The following PBX1 variants were observed in gnomAD, a reference collection of about 807,000 sequenced individuals.
PBX1 encodes the protein pre-B-cell leukemia transcription factor 1.
PBX1 carries 6 observed loss-of-function variants against 53.4 expected under a neutral mutation model. That is an observed-to-expected ratio of 0.11 (90% CI 0.06 to 0.22). PBX1 has a LOEUF of 0.22. Among genes scored for constraint, PBX1 ranks in the 10% least tolerant of loss-of-function variants. The probability of loss-of-function intolerance (pLI) is 1.00; values close to 1 mark genes in which losing one functional copy is unlikely to be tolerated. For missense variants in PBX1, 251 were observed against 551.4 expected, an observed-to-expected ratio of 0.46 and a Z score of 5.46; for synonymous variants, 204 against 212.3, an observed-to-expected ratio of 0.96 and a Z score of 0.34.
chr1:164,819,844 T>C, intron 6 of PBX1: 1 of 428,104 alleles, frequency 2.3e-6, no homozygotes, highest in Non-Finnish European at 4.1e-6. Flanking sequence ...GAAGCAGTTC[T>C]ATTGACAACT....
intron 2 of PBX1, among the ~76,000 whole-genome samples, chr1:164,727,600 T>C (rs886583981): frequency 6.6e-6 from 1 of 152,140 alleles, no homozygotes; most frequent in African/African-American, 2.4e-5. Context: ...GGGTCTTGAG[T>C]TGATTTGGGG....
intron 2 of PBX1, among the ~76,000 whole-genome samples, chr1:164,669,781 A>G (rs777092520): frequency 6.6e-6 from 1 of 152,056 alleles, no homozygotes; most frequent in Non-Finnish European, 1.5e-5. Context: ...GTGTATATCC[A>G]TGTTGGGCAT....
At chr1:164,827,965 G>A (rs147673344) in intron 8 of PBX1, among the ~76,000 whole-genome samples, 1 of 152,218 alleles carries the variant, frequency 6.6e-6, no homozygotes, top group Non-Finnish European at 1.5e-5. Context: ...ACTTTGTCTG[G>A]GATTGAATTT....
intron 2 of PBX1, among the ~76,000 whole-genome samples, chr1:164,572,651 T>C (rs1328633017): frequency 6.6e-6 from 1 of 152,146 alleles, no homozygotes; most frequent in African/African-American, 2.4e-5. Flanking sequence ...ATTAGTGAGC[T>C]ATTGGATTTA....
chr1:164,574,599 A>T (rs1243683660), intron 2 of PBX1, among the ~76,000 whole-genome samples: 1 of 152,182 alleles, frequency 6.6e-6, no homozygotes, highest in Admixed American at 6.5e-5. Context: ...GGTCATGTAA[A>T]ACTGGTTATG....
At chr1:164,728,014 G>T (rs1396231722) in intron 2 of PBX1, among the ~76,000 whole-genome samples, 1 of 152,164 alleles carries the variant, frequency 6.6e-6, no homozygotes, top group African/African-American at 2.4e-5. Context: ...TCTTCATTTG[G>T]TATGGTTATA....
intron 2 of PBX1, among the ~76,000 whole-genome samples, chr1:164,864,299 CA>C (rs1248234598): frequency 6.6e-6 from 1 of 152,106 alleles, no homozygotes; most frequent in African/African-American, 2.4e-5. Flanking sequence ...CAGTGCCATT[CA>C]GTGTAAATCT....
chr1:164,715,792 C>T (rs1025005420), intron 2 of PBX1, among the ~76,000 whole-genome samples: 29 of 152,282 alleles, frequency 1.9e-4, no homozygotes, highest in African/African-American at 7.0e-4. Flanking sequence ...CCGGGATAAA[C>T]TCTTCCTCTC....
intron 2 of PBX1, among the ~76,000 whole-genome samples, chr1:164,603,936 T>TTTTTA (rs1656372884): frequency 1.2e-4 from 6 of 51,772 alleles, no homozygotes; most frequent in Admixed American, 9.3e-4. Flanking sequence ...TTCATTTTTT[T>TTTTTA]TTTTTTTTTT....
chr1:164,746,197 G>A (rs1406993319), intron 2 of PBX1, among the ~76,000 whole-genome samples: 1 of 152,090 alleles, frequency 6.6e-6, no homozygotes, highest in Non-Finnish European at 1.5e-5. Context: ...TGGCATCTTG[G>A]TCATGCAAGA....
At chr1:164,654,778 G>A (rs901995218) in intron 2 of PBX1, among the ~76,000 whole-genome samples, 1 of 152,216 alleles carries the variant, frequency 6.6e-6, no homozygotes. Context: ...TCAGTCAATG[G>A]AAGAACCAAG....
intron 2 of PBX1, among the ~76,000 whole-genome samples, chr1:164,629,345 C>T (rs1658259865): frequency 6.6e-6 from 1 of 152,094 alleles, no homozygotes; most frequent in Non-Finnish European, 1.5e-5. Context: ...TCATCCTCTG[C>T]ATGTCAATGT....
At chr1:164,620,731 G>A (rs1657613394) in intron 2 of PBX1, among the ~76,000 whole-genome samples, 1 of 151,804 alleles carries the variant, frequency 6.6e-6, no homozygotes, top group Admixed American at 6.6e-5. Flanking sequence ...CACCCAGGCT[G>A]GAGTGCAGTG....
chr1:164,851,213 A>G lies in PBX1; in HGVS notation c.*4537A>G, dbSNP rs1304438374. 1 of 212,720 alleles carries G rather than the reference A, an allele frequency of 4.7e-6. No individual in the cohort carries two copies. Among genetic ancestry groups the G allele is most frequent in the Non-Finnish European group, 9.5e-6 (1 of 105,044 alleles). The allele number at this position is 212,720 out of a possible 1,614,324, so 13.2% of individuals were successfully genotyped here. The stretch of plus-strand genomic sequence containing the variant: ...TTTGGAATGTTTTTATTAGAGGAAA[A>G]AAGAAAGCCATATTATCTGGAAAAA... On this transcript the variant is annotated 3_prime_UTR_variant, in exon 9 of 9. Transcript: ENST00000420696.
chr1:164,820,265 T>C, intron 7 of PBX1, 81 bp downstream of exon 7: 2 of 810,754 alleles, frequency 2.5e-6, no homozygotes, highest in Non-Finnish European at 4.2e-6. Flanking sequence ...CCTGCTTCTG[T>C]CCAGAGAGAG....
intron 2 of PBX1, among the ~76,000 whole-genome samples, chr1:164,622,187 G>T (rs538106238): frequency 6.6e-6 from 1 of 152,318 alleles, no homozygotes; most frequent in African/African-American, 2.4e-5. Flanking sequence ...AAGGCGTCTT[G>T]TTGGAAGGAG....
chr1:164,820,943 G>A (rs998082573), intron 7 of PBX1, among the ~76,000 whole-genome samples: 1 of 152,102 alleles, frequency 6.6e-6, no homozygotes, highest in African/African-American at 2.4e-5. Context: ...TTACAAGCCC[G>A]GAACAGACCA....
At chr1:164,871,044 G>A (rs1299130845) in intron 2 of PBX1, among the ~76,000 whole-genome samples, 3 of 152,014 alleles carry the variant, frequency 2.0e-5, no homozygotes, top group Admixed American at 2.0e-4. Context: ...GAGCCCCTAT[G>A]GCATACCCTG....
intron 2 of PBX1, chr1:164,682,142 A>G (rs745507476): frequency 5.9e-5 from 9 of 152,260 alleles, no homozygotes; most frequent in Non-Finnish European, 1.3e-4. Flanking sequence ...TTATTAAAAC[A>G]GATGTGATCT....
Sources: gnomAD v4.1 joint callset for allele counts (sites outside exome capture counted in the v4.1 genomes callset) on GRCh38, gnomAD v4.1.1 for gene constraint, MANE v1.5 for transcripts, NCBI Gene and HGNC (gene_info 2026-07-23, HGNC 2026-07-21) for gene names.